The following ZNF568 variants were observed in gnomAD, a reference collection of about 807,000 sequenced individuals.
ZNF568 encodes p53 inhibitor of SCO2 activation.
A neutral mutation model predicts 18.1 loss-of-function variants in ZNF568; 11 were observed. The ratio of observed to expected loss-of-function variants is 0.61; its 90% CI spans 0.38 to 1.00. ZNF568 has a LOEUF of 1.00. ZNF568 is among the 50% of genes least tolerant of loss of function. The pLI is 0.01. For missense variants in ZNF568, 639 were observed against 768.2 expected (o/e 0.83, Z 1.99); for synonymous variants, 213 against 246.6 (o/e 0.86, Z 1.28).
chr19:36,930,895 C>G (rs1391715079), intron 4 of ZNF568, among the ~76,000 whole-genome samples: 3 of 152,202 alleles, frequency 2.0e-5, no homozygotes, highest in African/African-American at 4.8e-5. Flanking sequence ...TAAAAAATAT[C>G]TAAACCCAGC....
intron 6 of ZNF568, among the ~76,000 whole-genome samples, chr19:36,964,564 G>A (rs539600328): frequency 1.3e-5 from 2 of 152,246 alleles, no homozygotes; most frequent in Middle Eastern, 3.4e-3. Flanking sequence ...TATAATCCTC[G>A]CACTTTGGGA....
At chr19:36,956,493 A>G (rs920864432), downstream of ZNF568, among the ~76,000 whole-genome samples, 2 of 152,140 alleles carry the variant, frequency 1.3e-5, no homozygotes, top group Non-Finnish European at 2.9e-5. Context: ...AGATCTCCCC[A>G]ATAAACCCTA....
At chr19:36,987,332 G>A (rs1165135361) in intron 2 of ZNF568, among the ~76,000 whole-genome samples, 1 of 152,210 alleles carries the variant, frequency 6.6e-6, no homozygotes, top group Admixed American at 6.5e-5. Flanking sequence ...CTGAGAGCCT[G>A]CTGATCCTGT....
intron 7 of ZNF568, among the ~76,000 whole-genome samples, chr19:36,976,847 T>C (rs949514037): frequency 1.3e-4 from 19 of 151,812 alleles, no homozygotes; most frequent in African/African-American, 4.6e-4. Context: ...GAGGTAGAGG[T>C]TGTGGTGAGC....
chr19:36,960,231 C>A (rs2074138351), intron 6 of ZNF568, among the ~76,000 whole-genome samples: 1 of 150,728 alleles, frequency 6.6e-6, no homozygotes, highest in South Asian at 2.1e-4. Flanking sequence ...GGTTCTCCAG[C>A]CTCAGCCTCC....
chr19:36,958,876 C>T (rs2074128129), intron 6 of ZNF568, among the ~76,000 whole-genome samples: 2 of 152,090 alleles, frequency 1.3e-5, no homozygotes, highest in Non-Finnish European at 2.9e-5. Context: ...CCTCCTCGGC[C>T]TCCCAAAGTG....
chr19:36,969,781 A>ATTTTTTTTTTTTTT (rs200089198), intron 6 of ZNF568, among the ~76,000 whole-genome samples: 1 of 77,102 alleles, frequency 1.3e-5, no homozygotes, highest in Non-Finnish European at 2.5e-5. Context: ...CCATCTCAAG[A>ATTTTTTTTTTTTTT]TTTTTTTTTT....
chr19:36,983,573 G>T (rs2074349499), downstream of ZNF568, among the ~76,000 whole-genome samples: 1 of 152,080 alleles, frequency 6.6e-6, no homozygotes, highest in African/African-American at 2.4e-5. Context: ...TGAGTGCATT[G>T]TTCTATATGC....
At chr19:36,979,767 A>C (rs921931850) in exon 8 of ZNF568, 1 of 152,100 alleles carries the variant, frequency 6.6e-6, no homozygotes, top group Admixed American at 6.6e-5. Flanking sequence ...AGGAATTGCT[A>C]GCTCATAGGT....
intron 6 of ZNF568, among the ~76,000 whole-genome samples, chr19:36,958,635 T>TTTTTC (rs1568398128): frequency 6.9e-6 from 1 of 145,250 alleles, no homozygotes; most frequent in African/African-American, 2.6e-5. Flanking sequence ...TTTTTTTTTT[T>TTTTTC]TTTGAGACAG....
chr19:36,985,978 T>C (rs1041721462), intron 2 of ZNF568, among the ~76,000 whole-genome samples: 7 of 152,322 alleles, frequency 4.6e-5, no homozygotes, highest in African/African-American at 1.7e-4. Context: ...TTCTACCCCA[T>C]AGATTCTTGA....
intron 6 of ZNF568, chr19:36,973,104 G>C (rs1341060114): frequency 2.6e-5 from 4 of 152,444 alleles, no homozygotes; most frequent in Non-Finnish European, 5.9e-5. Context: ...AGTGACCGTG[G>C]TGCGGTCCAG....
chr19:36,960,310 G>A (rs1401401008), intron 6 of ZNF568, among the ~76,000 whole-genome samples: 1 of 151,122 alleles, frequency 6.6e-6, no homozygotes, highest in Non-Finnish European at 1.5e-5. Flanking sequence ...TAGAAATCGG[G>A]TTTCACCATG....
chr19:36,925,288 C>T, intron 4 of ZNF568, 30 bp downstream of exon 4: 1 of 1,604,710 alleles, frequency 6.2e-7, no homozygotes. Context: ...TTGTTTCCTG[C>T]ATTATTTTGC....
rs1644634 is a variant in ZNF568 at position 36,951,078 on chromosome 19, A to G, written c.1925A>G (p.Gln642Arg). ...HKRGHTGERH[Q>R]VY is the part of the protein sequence containing the mutation. ...AGAGGTCATACAGGTGAGAGACACC[A>G]AGTATATTAAATGAAAGAAGGCCTC... Residue 642 changes from glutamine (Q) to arginine (R), a missense_variant, in exon 7 of 7, where the codon CAA becomes CGA. Transcript: ENST00000333987. 0.58 allele frequency: 877,113 copies of G among 1,521,070 alleles called. 255,883 individuals are homozygous for G. Among genetic ancestry groups the G allele is most frequent in the African/African-American group, 0.7 (50,189 of 71,662 alleles). The allele number at this position is 1,521,070 out of a possible 1,614,324, so 94.2% of individuals were successfully genotyped here. A position where few individuals can be genotyped will look rare whatever the true frequency, so the allele number is the denominator to read the frequency against.
intron 4 of ZNF568, among the ~76,000 whole-genome samples, chr19:36,993,103 T>G (rs1172544952): frequency 2.0e-5 from 3 of 152,234 alleles, no homozygotes; most frequent in Non-Finnish European, 4.4e-5. Flanking sequence ...TATGAACATT[T>G]GTATATAGGT....
At chr19:36,948,811 A>G (rs1600816747) in intron 6 of ZNF568, among the ~76,000 whole-genome samples, 1 of 152,010 alleles carries the variant, frequency 6.6e-6, no homozygotes. Context: ...TTCTAGTACA[A>G]TGTTAAAAAG....
intron 7 of ZNF568, among the ~76,000 whole-genome samples, chr19:36,974,826 ATT>A (rs3053253): frequency 7.6e-5 from 10 of 132,250 alleles, no homozygotes; most frequent in Admixed American, 1.6e-4. Context: ...TTGCTTACCA[ATT>A]TTTTTTTTTT....
chr19:36,975,070 A>T (rs1644650), intron 7 of ZNF568, among the ~76,000 whole-genome samples: 2 of 150,074 alleles, frequency 1.3e-5, no homozygotes, highest in African/African-American at 4.9e-5. Flanking sequence ...CAGGCAATCC[A>T]CCTGCCTCGG....
Sources: allele counts gnomAD v4.1 joint callset (sites outside exome capture counted in the v4.1 genomes callset), GRCh38; gene constraint gnomAD v4.1.1; transcripts MANE v1.5; gene names NCBI Gene and HGNC (gene_info 2026-07-23, HGNC 2026-07-21).